Variants in CADM1 observed in about 807,000 individuals in gnomAD.
CADM1 encodes TSLC-1.
In CADM1, 15 loss-of-function variants were observed where a neutral mutation model predicts 53.1. The observed-to-expected ratio is 0.28, with a 90% confidence interval of 0.19 to 0.44. The LOEUF (loss-of-function observed/expected upper bound fraction) is 0.44, where lower values mean the gene tolerates loss of function less well. CADM1 is among the 20% of genes least tolerant of loss of function. CADM1 has a pLI of 1.00. For synonymous variants in CADM1, 281 were observed against 243.0 expected, an observed-to-expected ratio of 1.16 and a Z score of -1.45; for missense variants, 434 against 611.3, an observed-to-expected ratio of 0.71 and a Z score of 3.06.
intron 1 of CADM1, among the ~76,000 whole-genome samples, chr11:115,470,400 T>C (rs1267609433): frequency 6.6e-6 from 1 of 152,232 alleles, no homozygotes; most frequent in Admixed American, 6.5e-5. Context: ...AAAAGCCCAT[T>C]TAACCAGCCT....
At chr11:115,186,205 T>A (rs1591584325) in intron 10 of CADM1, among the ~76,000 whole-genome samples, 1 of 152,148 alleles carries the variant, frequency 6.6e-6, no homozygotes, top group Non-Finnish European at 1.5e-5. Context: ...TTTAACCTTT[T>A]CCAGCCATCA....
At chr11:115,280,999 A>G (rs980841039) in intron 1 of CADM1, among the ~76,000 whole-genome samples, 7 of 152,230 alleles carry the variant, frequency 4.6e-5, no homozygotes, top group Non-Finnish European at 1.5e-5. Flanking sequence ...AGAGCTCACT[A>G]ATGACAACTG....
chr11:115,358,800 T>C (rs940072247), intron 1 of CADM1, among the ~76,000 whole-genome samples: 1 of 152,222 alleles, frequency 6.6e-6, no homozygotes, highest in Admixed American at 6.5e-5. Flanking sequence ...AATTCATCCC[T>C]GTGAACTCTA....
chr11:115,172,757 T>TC lies in CADM1; in HGVS notation c.*3716_*3717insG, dbSNP rs1565274766. On this transcript the variant is annotated 3_prime_UTR_variant, in exon 12 of 12. Coordinates refer to ENST00000331581, the MANE Select transcript of CADM1 (RefSeq NM_001301043.2). The stretch of plus-strand genomic sequence containing the variant: ...TTTTTTTTTTTTTTTTTTTTTTTTT[T>TC]TAACAGAGACAGGTAAGAGACCAGG... 6.1e-5 allele frequency: 1 copy of TC among 16,332 alleles called. No homozygotes were observed. Among genetic ancestry groups the TC allele is most frequent in the Non-Finnish European group, 1.3e-4 (1 of 7,816 alleles). The allele number at this position is 16,332 out of a possible 1,614,324, so 1.0% of individuals were successfully genotyped here.
chr11:115,424,763 T>C (rs1053900782), intron 1 of CADM1, among the ~76,000 whole-genome samples: 1 of 152,038 alleles, frequency 6.6e-6, no homozygotes, highest in Non-Finnish European at 1.5e-5. Flanking sequence ...TGACCTCAAA[T>C]GATCTGCCCA....
chr11:115,408,160 C>T (rs1947366278), intron 1 of CADM1, among the ~76,000 whole-genome samples: 1 of 151,972 alleles, frequency 6.6e-6, no homozygotes, highest in South Asian at 2.1e-4. Context: ...TTGGTATTGG[C>T]AACAGCTTAA....
intron 3 of CADM1, among the ~76,000 whole-genome samples, chr11:115,232,983 G>A (rs1461190104): frequency 1.3e-5 from 2 of 152,182 alleles, no homozygotes; most frequent in Non-Finnish European, 2.9e-5. Flanking sequence ...CCAAGTATTT[G>A]GGATTTCCAA....
chr11:115,373,994 C>CCTAGT (rs1946378252), intron 1 of CADM1, among the ~76,000 whole-genome samples: 1 of 152,136 alleles, frequency 6.6e-6, no homozygotes, highest in East Asian at 1.9e-4. Context: ...CAATACATTG[C>CCTAGT]CTAGTTCTGT....
At chr11:115,330,478 G>A (rs746122430) in intron 1 of CADM1, among the ~76,000 whole-genome samples, 2 of 152,106 alleles carry the variant, frequency 1.3e-5, no homozygotes, top group African/African-American at 2.4e-5. Context: ...CCTTGGGCTT[G>A]GTTTGACCTT....
At chr11:115,196,551 C>T (rs11215410) in intron 9 of CADM1, among the ~76,000 whole-genome samples, 1 of 125,088 alleles carries the variant, frequency 8.0e-6, no homozygotes, top group Non-Finnish European at 1.6e-5. Context: ...GAAGAATTGT[C>T]TTGGGCCACA....
rs150434064 is a variant in CADM1, at chr11:115,280,109, T to C, written c.125-39689A>G. On this transcript the variant is annotated intron_variant, in intron 1 of 11. Transcript: ENST00000331581. The stretch of plus-strand genomic sequence containing the variant: ...TCCAGTTAAGGATGTGAATCTTGAG[T>C]TGATAACCTCTACAGACTATCTTAT... 2.0e-3 allele frequency among the ~76,000 whole-genome samples: 304 copies of C among 152,332 alleles called. 1 individual carries two copies. The highest frequency in any genetic ancestry group is 2.9e-3 in the Non-Finnish European group (198 of 68,028).
At chr11:115,261,261 C>T (rs1011307969) in intron 1 of CADM1, among the ~76,000 whole-genome samples, 2 of 152,094 alleles carry the variant, frequency 1.3e-5, no homozygotes, top group Non-Finnish European at 2.9e-5. Context: ...ACAGGGAGAC[C>T]TAGACTAGCT....
At chr11:115,381,852 A>AT (rs372989990) in intron 1 of CADM1, among the ~76,000 whole-genome samples, 36 of 150,032 alleles carry the variant, frequency 2.4e-4, no homozygotes, top group Middle Eastern at 7.0e-3. Flanking sequence ...TAATAATAGG[A>AT]TTTTTTTTTT....
At chr11:115,321,962 C>CTTTTCATGCTTATTGATGATGTGTTT (rs1944835762) in intron 1 of CADM1, among the ~76,000 whole-genome samples, 1 of 152,160 alleles carries the variant, frequency 6.6e-6, no homozygotes, top group African/African-American at 2.4e-5. Flanking sequence ...CATCATGCAT[C>CTTTTCATGCTTATTGATGATGTGTTT]ATCCACATAA....
chr11:115,291,489 A>C, intron 1 of CADM1, among the ~76,000 whole-genome samples: 1 of 152,184 alleles, frequency 6.6e-6, no homozygotes, highest in Non-Finnish European at 1.5e-5. Context: ...ACTCATTCTA[A>C]TTCCTAGCAA....
intron 5 of CADM1, 21 bp from the exon 6 acceptor site, chr11:115,218,012 G>A (rs761863936): frequency 1.9e-6 from 3 of 1,559,112 alleles, no homozygotes; most frequent in Non-Finnish European, 2.7e-6. Context: ...AAAACACAAA[G>A]TATAATGTTT....
chr11:115,184,035 G>T (rs566995570), intron 10 of CADM1, among the ~76,000 whole-genome samples: 1 of 152,120 alleles, frequency 6.6e-6, no homozygotes, highest in African/African-American at 2.4e-5. Flanking sequence ...TCTCAGAATC[G>T]GTGTTTGTAA....
intron 1 of CADM1, among the ~76,000 whole-genome samples, chr11:115,490,545 C>G (rs1949472266): frequency 2.6e-5 from 4 of 151,902 alleles, no homozygotes; most frequent in Admixed American, 2.6e-4. Context: ...ACTACAGGCG[C>G]CTACCACCAC....
At chr11:115,372,164 G>C (rs181380045) in intron 1 of CADM1, among the ~76,000 whole-genome samples, 74 of 152,252 alleles carry the variant, frequency 4.9e-4, no homozygotes, top group African/African-American at 1.7e-3. Context: ...GCCAAAAAAA[G>C]TCTGTACTCC....
Sources: gnomAD v4.1 joint callset for allele counts (sites outside exome capture counted in the v4.1 genomes callset) on GRCh38, gnomAD v4.1.1 for gene constraint, MANE v1.5 for transcripts, NCBI Gene and HGNC (gene_info 2026-07-23, HGNC 2026-07-21) for gene names.